The following IGSF21 variants were observed in gnomAD, a reference collection of about 807,000 sequenced individuals.
The protein encoded by IGSF21 is immunoglobin superfamily member 21, also known as immunoglobulin superfamily member 21.
A neutral mutation model predicts 46.8 loss-of-function variants in IGSF21; 28 were observed. That is an observed-to-expected ratio of 0.60 (90% CI 0.44 to 0.82). IGSF21 has a LOEUF of 0.82. Among genes scored for constraint, IGSF21 ranks in the 40% least tolerant of loss-of-function variants. IGSF21 has a pLI of 0.00. For synonymous variants in IGSF21, 284 were observed against 273.6 expected (o/e 1.04, Z -0.38); for missense variants, 624 against 665.5 (o/e 0.94, Z 0.69).
rs11583295 is a variant in IGSF21, at chr1:18,376,266, C to G, written c.1016-44C>G. 2.6e-3 allele frequency: 3,440 copies of G among 1,323,452 alleles called. 63 individuals carry two copies. In the African/African-American group the frequency reaches 0.043, roughly 17 times the overall value. 82.0% of individuals were successfully genotyped at this position (1,323,452 alleles called of 1,614,324 possible). A position where few individuals can be genotyped will look rare whatever the true frequency, so the allele number is the denominator to read the frequency against. ...ACTTTCTCTTCCATGTACCCTGTCC[C>G]TCCTTTCCTTACTCTCTCTGACCTG... is the stretch of plus-strand genomic sequence containing the variant. On this transcript the variant is annotated intron_variant, in intron 6 of 9. Coordinates refer to ENST00000251296, the MANE Select transcript of IGSF21 (RefSeq NM_032880.5).
At chr1:18,244,255 G>A (rs1218543739) in intron 2 of IGSF21, among the ~76,000 whole-genome samples, 1 of 152,240 alleles carries the variant, frequency 6.6e-6, no homozygotes, top group Non-Finnish European at 1.5e-5. Context: ...GATTTCTTAA[G>A]CTACAACTCT....
intron 2 of IGSF21, among the ~76,000 whole-genome samples, chr1:18,281,198 G>T (rs924028401): frequency 1.3e-5 from 2 of 152,108 alleles, no homozygotes; most frequent in African/African-American, 2.4e-5. Flanking sequence ...TGAATGAACA[G>T]GTGAGTGAAA....
intron 3 of IGSF21, among the ~76,000 whole-genome samples, chr1:18,296,108 C>T (rs1022101259): frequency 6.6e-6 from 1 of 152,192 alleles, no homozygotes; most frequent in African/African-American, 2.4e-5. Context: ...TGTCAACTCT[C>T]TCCCGGAGTT....
Position 18,337,481 on chromosome 1 carries a change from C to T in IGSF21, c.424+2471C>T, listed in dbSNP as rs1487546329. On this transcript the variant is annotated intron_variant, in intron 4 of 9. Transcript: ENST00000251296. This position sits in a 1 kb window ranked among gnomAD's most constrained non-coding sequence, Gnocchi z 5.7. Reference sequence around the variant, plus strand: ...CAACTGTGTCTGCCTCCCTCTTGCCCCTGGTTTTGGCCCCAGCAAAGAGAA... The same window carrying T: ...CAACTGTGTCTGCCTCCCTCTTGCCTCTGGTTTTGGCCCCAGCAAAGAGAA... 1.3e-5 allele frequency among the ~76,000 whole-genome samples: 2 copies of T among 152,120 alleles called. No homozygotes were observed. The highest frequency in any genetic ancestry group is 4.8e-5 in the African/African-American group (2 of 41,424).
At chr1:18,211,245 G>C (rs938722998) in intron 1 of IGSF21, among the ~76,000 whole-genome samples, 1 of 152,180 alleles carries the variant, frequency 6.6e-6, no homozygotes, top group South Asian at 2.1e-4. Context: ...CTGTTGCCCT[G>C]ATAACTAAGC....
chr1:18,321,076 G>A (rs548584057), intron 3 of IGSF21, among the ~76,000 whole-genome samples: 29 of 152,306 alleles, frequency 1.9e-4, no homozygotes, highest in African/African-American at 4.6e-4. Flanking sequence ...TTTTCTGATC[G>A]TTTTGTCAAA....
chr1:18,227,909 G>A lies in IGSF21; in HGVS notation c.82G>A (p.Val28Ile). The A allele has an allele frequency of 6.2e-7, 1 of 1,613,836 alleles. No homozygotes were observed. Among genetic ancestry groups the A allele is most frequent in the South Asian group, 1.1e-5 (1 of 91,050 alleles). The change falls in exon 2 of 10, where the codon GTC becomes ATC. Residue 28 changes from valine (V) to isoleucine (I), a missense_variant. Physicochemically the swap from Val to Ile is conservative, Grantham distance 29. Coordinates refer to ENST00000251296, the MANE Select transcript of IGSF21 (RefSeq NM_032880.5). ...ILDLARGYLT[V>I]NIEPLPPVVA... ...CCTCTCTTCTGTAGGCTACCTGACA[G>A]TCAACATTGAGCCTCTCCCCCCTGT...
chr1:18,359,194 C>T (rs1286856730), intron 4 of IGSF21, among the ~76,000 whole-genome samples: 1 of 151,264 alleles, frequency 6.6e-6, no homozygotes, highest in Non-Finnish European at 1.5e-5. Context: ...CAATTGATCA[C>T]TTGAGCCCAG....
intron 2 of IGSF21, among the ~76,000 whole-genome samples, chr1:18,244,355 G>A (rs750890006): frequency 2.0e-5 from 3 of 152,210 alleles, no homozygotes; most frequent in Non-Finnish European, 4.4e-5. Flanking sequence ...TTCCAGCATG[G>A]ACCATGGGCC....
At chr1:18,231,124 G>A (rs1482767344) in intron 2 of IGSF21, among the ~76,000 whole-genome samples, 1 of 152,198 alleles carries the variant, frequency 6.6e-6, no homozygotes, top group Non-Finnish European at 1.5e-5. Context: ...GCAGGGCATT[G>A]TGATGAGGCC....
chr1:18,216,894 G>A lies in IGSF21; in HGVS notation c.71-11004G>A, dbSNP rs182615106. 9.9e-5 allele frequency among the ~76,000 whole-genome samples: 15 copies of A among 152,260 alleles called. No homozygotes were observed. The East Asian group carries it at 2.3e-3, about 23-fold the overall frequency. On this transcript the variant is annotated intron_variant, in intron 1 of 9. Transcript: ENST00000251296. ...ATTACAATAGTAATTATGTAGCACT[G>A]GAACCCAGGGAGGATGTCCTTAGTG...
chr1:18,278,556 TTTGTTTG>T (rs2085127342), intron 2 of IGSF21, among the ~76,000 whole-genome samples: 1 of 147,150 alleles, frequency 6.8e-6, no homozygotes, highest in African/African-American at 2.5e-5. Context: ...TGTTTGTTTG[TTTGTTTG>T]TTTGTTTTGA....
At chr1:18,266,650 A>G (rs879733340) in intron 2 of IGSF21, among the ~76,000 whole-genome samples, 2 of 152,172 alleles carry the variant, frequency 1.3e-5, no homozygotes, top group Non-Finnish European at 2.9e-5. Context: ...ATGCACTGTC[A>G]CTCATGCATT....
At chr1:18,248,106 A>G (rs2084801902) in intron 2 of IGSF21, among the ~76,000 whole-genome samples, 2 of 152,232 alleles carry the variant, frequency 1.3e-5, no homozygotes, top group Non-Finnish European at 1.5e-5. Flanking sequence ...CTAGTGCTGG[A>G]GAGAAATGTG....
At chr1:18,249,682 T>C (rs1417948524) in intron 2 of IGSF21, among the ~76,000 whole-genome samples, 4 of 152,206 alleles carry the variant, frequency 2.6e-5, no homozygotes, top group Admixed American at 6.5e-5. Context: ...CCCAGAGCCA[T>C]GCAGCAAGAG....
At chr1:18,332,753 G>T (rs2085727282) in intron 3 of IGSF21, among the ~76,000 whole-genome samples, 1 of 152,202 alleles carries the variant, frequency 6.6e-6, no homozygotes. Flanking sequence ...TTCCATGACA[G>T]TCGGTAGACC....
intron 1 of IGSF21, among the ~76,000 whole-genome samples, chr1:18,181,871 C>T (rs2086860779): frequency 6.6e-6 from 1 of 152,098 alleles, no homozygotes; most frequent in South Asian, 2.1e-4. Context: ...AGATAAGACA[C>T]TGAGAGGGAC....
At chr1:18,196,548 G>A (rs960030854) in intron 1 of IGSF21, among the ~76,000 whole-genome samples, 78 of 152,226 alleles carry the variant, frequency 5.1e-4, no homozygotes, top group African/African-American at 1.8e-3. Context: ...ACAGGGTCCT[G>A]AAGGTACCCC....
At chr1:18,354,370 G>C (rs2085992630) in intron 4 of IGSF21, among the ~76,000 whole-genome samples, 1 of 152,012 alleles carries the variant, frequency 6.6e-6, no homozygotes, top group Non-Finnish European at 1.5e-5. Flanking sequence ...CAGGCTAGTG[G>C]AGATGATGGG....
Sources: gnomAD v4.1 joint callset for allele counts (sites outside exome capture counted in the v4.1 genomes callset) on GRCh38, gnomAD v4.1.1 for gene constraint, Gnocchi (gnomAD v3.1) non-coding constraint, MANE v1.5 for transcripts, NCBI Gene and HGNC (gene_info 2026-07-23, HGNC 2026-07-21) for gene names.